ATP4B: variants seen among roughly 807,000 people sequenced by gnomAD.
ATP4B encodes potassium-transporting ATPase subunit beta.
In ATP4B, 27 loss-of-function variants were observed where a neutral mutation model predicts 35.3. That is an observed-to-expected ratio of 0.76 (90% CI 0.56 to 1.05). The LOEUF (loss-of-function observed/expected upper bound fraction) is 1.05. ATP4B is among the 50% of genes least tolerant of loss of function. ATP4B has a pLI of 0.00. For synonymous variants in ATP4B, 162 were observed against 156.0 expected (o/e 1.04, Z -0.29); for missense variants, 375 against 384.8 (o/e 0.97, Z 0.21).
Position 113,650,549 on chromosome 13 carries a change from T to C in ATP4B, c.613-42A>G. ...ACTGCCTGAGTCAGGCGGGAGCTGG[T>C]GTGTGCCGGTGTCTGTGTGTTGCGT... On this transcript the variant is annotated intron_variant, in intron 5 of 6. Transcript: ENST00000335288. This position sits in a 1 kb window ranked among gnomAD's most constrained non-coding sequence, Gnocchi z 5.0. 1 of 1,521,588 alleles carries C rather than the reference T, an allele frequency of 6.6e-7. No homozygotes were observed. Among genetic ancestry groups the C allele is most frequent in the Non-Finnish European group, 9.0e-7 (1 of 1,113,090 alleles). The allele number at this position is 1,521,588 out of a possible 1,614,324, so 94.3% of individuals were successfully genotyped here. A position where few individuals can be genotyped will look rare whatever the true frequency, so the allele number is the denominator to read the frequency against.
intron 1 of ATP4B, among the ~76,000 whole-genome samples, chr13:113,655,878 C>T (rs897585424): frequency 1.3e-5 from 2 of 152,216 alleles, no homozygotes; most frequent in African/African-American, 4.8e-5. Flanking sequence ...GGCCAAGAGG[C>T]CAGAGCCCTG....
Position 113,658,020 on chromosome 13 carries a change from C to T in ATP4B, c.112+13G>A, listed in dbSNP as rs2049769242. ...CCCTCCATGCACCCAGCCGGCCCGC[C>T]CCCCGCACGTACCCCACCGGGACAG... On this transcript the variant is annotated intron_variant, in intron 1 of 6. Coordinates refer to ENST00000335288, the MANE Select transcript of ATP4B (RefSeq NM_000705.4). 3.1e-6 allele frequency: 5 copies of T among 1,587,996 alleles called. No homozygotes were observed. The East Asian group carries it at 9.2e-5, about 29-fold the overall frequency.
intron 1 of ATP4B, among the ~76,000 whole-genome samples, chr13:113,656,646 C>T (rs2049757574): frequency 6.6e-6 from 1 of 152,224 alleles, no homozygotes; most frequent in Admixed American, 6.5e-5. Context: ...GCACCTGCAC[C>T]CGTCCCCCAA....
intron 3 of ATP4B, 64 bp from the exon 4 acceptor site, chr13:113,653,136 G>A: frequency 1.3e-6 from 2 of 1,556,306 alleles, no homozygotes; most frequent in Non-Finnish European, 8.7e-7. Flanking sequence ...TGCCCCCCGG[G>A]AAGGCCTTGC....
intron 2 of ATP4B, 82 bp from the exon 3 acceptor site, chr13:113,653,516 G>T (rs1042021722): frequency 7.7e-7 from 1 of 1,300,666 alleles, no homozygotes. Context: ...CTGAGGATAC[G>T]CCAGAGGCGG....
At position 113,654,881 on chromosome 13, in the gene ATP4B, G is replaced by A. The variant is rs773105174; in HGVS notation, c.174C>T (p.Cys58=). ...YVVMTGLFAL[C]LYVLMQTVDP... The stretch of plus-strand genomic sequence containing the variant: ...CCACTGTCTGCATCAGCACATAGAG[G>A]CACAGGGCGAAGAGCCCAGTCATCA... Residue 58 remains cysteine, a synonymous_variant, in exon 2 of 7, where the codon TGC becomes TGT. Coordinates refer to ENST00000335288, the MANE Select transcript of ATP4B (RefSeq NM_000705.4). 1 of 1,614,232 alleles carries A rather than the reference G, an allele frequency of 6.2e-7. No homozygotes were observed. Among genetic ancestry groups the A allele is most frequent in the South Asian group, 1.1e-5 (1 of 91,090 alleles).
chr13:113,650,109 G>A lies in ATP4B; in HGVS notation c.714+297C>T, dbSNP rs2049700155. Reference sequence around the variant, plus strand: ...GCCCAGGTGGTTGAGGCTGCAATGAGCTAAGATGCTAAGATTGCATTGCTG... The same window carrying A: ...GCCCAGGTGGTTGAGGCTGCAATGAACTAAGATGCTAAGATTGCATTGCTG... On this transcript the variant is annotated intron_variant, in intron 6 of 6. Transcript: ENST00000335288. This position sits in a 1 kb window ranked among gnomAD's most constrained non-coding sequence, Gnocchi z 5.0. 6.6e-6 allele frequency among the ~76,000 whole-genome samples: 1 copy of A among 151,730 alleles called. No individual in the cohort carries two copies. Among genetic ancestry groups the A allele is most frequent in the African/African-American group, 2.4e-5 (1 of 41,260 alleles).
In ATP4B at chr13:113,652,443, G is replaced by C. The variant is rs965482790; in HGVS notation, c.555+430C>G. On this transcript the variant is annotated intron_variant, in intron 4 of 6. Coordinates refer to ENST00000335288, the MANE Select transcript of ATP4B (RefSeq NM_000705.4). ...TGCTTGGCCAGGACCTGCCCTGCTC[G>C]AGCCTGGCTCAGGGATCACCTCCCC... 2.6e-5 allele frequency among the ~76,000 whole-genome samples: 4 copies of C among 152,164 alleles called. 1 individual carries two copies. The South Asian group carries it at 8.3e-4, about 32-fold the overall frequency.
intron 1 of ATP4B, among the ~76,000 whole-genome samples, chr13:113,657,363 G>A (rs1380663121): frequency 6.6e-6 from 1 of 152,246 alleles, no homozygotes; most frequent in Non-Finnish European, 1.5e-5. Flanking sequence ...TCTCTCATAA[G>A]GGGTGAGGGC....
At chr13:113,651,096 C>T (rs573755003) in intron 5 of ATP4B, among the ~76,000 whole-genome samples, 1 of 151,856 alleles carries the variant, frequency 6.6e-6, no homozygotes, top group East Asian at 2.0e-4. Flanking sequence ...TTCCCTCGGA[C>T]ACCCTAGTGG....
At chr13:113,657,932 T>C in intron 1 of ATP4B, 101 bp downstream of exon 1, 2 of 972,018 alleles carry the variant, frequency 2.1e-6, no homozygotes, top group Non-Finnish European at 3.0e-6. Flanking sequence ...GGGGTCTCAC[T>C]GTCAGGGGCC....
chr13:113,655,650 G>A (rs2049748943), intron 1 of ATP4B, among the ~76,000 whole-genome samples: 1 of 152,128 alleles, frequency 6.6e-6, no homozygotes, highest in African/African-American at 2.4e-5. Flanking sequence ...AAATTAGCTT[G>A]TGTGGATCGC....
In ATP4B at chr13:113,653,357, C is replaced by G. The variant is rs746050736; in HGVS notation, c.319G>C (p.Ala107Pro). Reference sequence around the variant, plus strand: ...GCGTGGAGAGTCTGTGTGAGGTCTGCCCAGGTTCTGTTATCAGAGACGTTG... The same window carrying G: ...GCGTGGAGAGTCTGTGTGAGGTCTGGCCAGGTTCTGTTATCAGAGACGTTG... Reference protein sequence around the residue: ...VYNVSDNRTWADLTQTLHAFL... With the variant: ...VYNVSDNRTWPDLTQTLHAFL... Residue 107 changes from alanine to proline, a missense_variant, in exon 3 of 7, where the codon GCA (alanine) becomes CCA (proline). Physicochemically the swap from Ala to Pro is conservative, Grantham distance 27. Coordinates refer to ENST00000335288, the MANE Select transcript of ATP4B (RefSeq NM_000705.4). 5 of 1,614,218 alleles carry G rather than the reference C, an allele frequency of 3.1e-6. No individual in the cohort carries two copies. The Admixed American group carries it at 8.3e-5, about 27-fold the overall frequency.
At chr13:113,656,936 C>T (rs1885646993) in intron 1 of ATP4B, among the ~76,000 whole-genome samples, 1 of 152,188 alleles carries the variant, frequency 6.6e-6, no homozygotes. Flanking sequence ...GCCTCCCGCT[C>T]TGCCGCCCCG....
chr13:113,650,681 A>G lies in ATP4B; in HGVS notation c.613-174T>C, dbSNP rs1239152990. Among the ~76,000 whole-genome samples the G allele has an allele frequency of 6.6e-6, 1 of 152,226 alleles. No homozygotes were observed. Among genetic ancestry groups the G allele is most frequent in the Non-Finnish European group, 1.5e-5 (1 of 68,046 alleles). ...TCTTTCTAATCAGTGCTGAGATCTCAGCAAGGATATGATTTGTTAGCATGC... is the reference window on the plus strand; with the variant it reads ...TCTTTCTAATCAGTGCTGAGATCTCGGCAAGGATATGATTTGTTAGCATGC... On this transcript the variant is annotated intron_variant, in intron 5 of 6. Coordinates refer to ENST00000335288, the MANE Select transcript of ATP4B (RefSeq NM_000705.4). This position sits in a 1 kb window ranked among gnomAD's most constrained non-coding sequence, Gnocchi z 5.0.
intron 4 of ATP4B, chr13:113,652,548 A>G: frequency 2.4e-6 from 1 of 417,690 alleles, no homozygotes; most frequent in Non-Finnish European, 4.5e-6. Flanking sequence ...TCCTGACTCC[A>G]GAACTTGAGG....
chr13:113,653,250 CCT>C, intron 3 of ATP4B, 69 bp downstream of exon 3: 1 of 1,490,818 alleles, frequency 6.7e-7, no homozygotes, highest in Non-Finnish European at 9.3e-7. Context: ...CCGCTTCACA[CCT>C]CACCCACCCG....
intron 2 of ATP4B, 82 bp from the exon 3 acceptor site, chr13:113,653,516 G>A (rs1042021722): frequency 2.7e-5 from 35 of 1,300,548 alleles, no homozygotes; most frequent in Non-Finnish European, 3.4e-5. Context: ...CTGAGGATAC[G>A]CCAGAGGCGG....
intron 4 of ATP4B, 65 bp downstream of exon 4, chr13:113,652,808 G>A: frequency 6.4e-7 from 1 of 1,560,518 alleles, no homozygotes; most frequent in Non-Finnish European, 8.8e-7. Flanking sequence ...CCTCGTGGTG[G>A]GTGTGGGTGA....
Sources: gnomAD v4.1 joint callset for allele counts (sites outside exome capture counted in the v4.1 genomes callset) on GRCh38, gnomAD v4.1.1 for gene constraint, Gnocchi (gnomAD v3.1) non-coding constraint, MANE v1.5 for transcripts, NCBI Gene and HGNC (gene_info 2026-07-23, HGNC 2026-07-21) for gene names.